NUP155: variants seen among roughly 807,000 people sequenced by gnomAD.
NUP155 encodes the protein nucleoporin 155, also known as nuclear pore complex protein Nup155.
In NUP155, 71 loss-of-function variants were observed where a neutral mutation model predicts 180.4. That is an observed-to-expected ratio of 0.39 (90% CI 0.33 to 0.48). The LOEUF (loss-of-function observed/expected upper bound fraction) is 0.48. Ranked by LOEUF, NUP155 falls within the 20% of genes least tolerant of loss-of-function variation. The pLI, the probability that NUP155 is intolerant of heterozygous loss-of-function variation, is 0.91. For missense variants in NUP155, 1,553 were observed against 1,648.9 expected (o/e 0.94, Z 1.01); for synonymous variants, 582 against 559.5 (o/e 1.04, Z -0.57).
chr5:37,357,012 C>A (rs925008751), intron 4 of NUP155, among the ~76,000 whole-genome samples: 1 of 152,074 alleles, frequency 6.6e-6, no homozygotes, highest in Non-Finnish European at 1.5e-5. Flanking sequence ...AAGGCTGAGG[C>A]AAGAGAATCG....
intron 4 of NUP155, among the ~76,000 whole-genome samples, chr5:37,355,703 C>G (rs1347057599): frequency 6.6e-6 from 1 of 151,702 alleles, no homozygotes; most frequent in Non-Finnish European, 1.5e-5. Context: ...CTCAGCCTCC[C>G]AAGTAGCTGG....
rs750851672 is a variant in NUP155 at position 37,309,284 on chromosome 5, C to G, written c.2629-17G>C. The G allele has an allele frequency of 3.1e-6, 5 of 1,602,042 alleles. No homozygotes were observed. Among genetic ancestry groups the G allele is most frequent in the Non-Finnish European group, 3.4e-6 (4 of 1,172,728 alleles). Reference sequence around the variant, plus strand: ...CTCATTTGCCTAGAAGAGGAGATAACAAGAACTTAAAAATATATAAAATCA... The same window carrying G: ...CTCATTTGCCTAGAAGAGGAGATAAGAAGAACTTAAAAATATATAAAATCA... On this transcript the variant is annotated splice_polypyrimidine_tract_variant and intron_variant, in intron 23 of 34. Transcript: ENST00000231498.
In NUP155 at chr5:37,301,822, T is replaced by C. The variant is rs371707892; in HGVS notation, c.3448-272A>G. 7.2e-4 allele frequency among the ~76,000 whole-genome samples: 109 copies of C among 152,300 alleles called. 3 individuals carry two copies. In the South Asian group the frequency reaches 0.022, roughly 30 times the overall value. On this transcript the variant is annotated intron_variant, in intron 29 of 34. Coordinates refer to ENST00000231498, the MANE Select transcript of NUP155 (RefSeq NM_153485.3). ...AGACTATACAGCTCAGCCTCCTCTG[T>C]AGGGGAGGTATGGCCATACAACCAA...
rs1352387230 is a variant in NUP155 at position 37,291,732 on chromosome 5, A to T, written c.*168T>A. 3 of 541,154 alleles carry T rather than the reference A, an allele frequency of 5.5e-6. No homozygotes were observed. The East Asian group carries it at 9.5e-5, about 17-fold the overall frequency. The allele number at this position is 541,154 out of a possible 1,614,324, so 33.5% of individuals were successfully genotyped here. A position where few individuals can be genotyped will look rare whatever the true frequency, so the allele number is the denominator to read the frequency against. On this transcript the variant is annotated 3_prime_UTR_variant, in exon 35 of 35. Coordinates refer to ENST00000231498, the MANE Select transcript of NUP155 (RefSeq NM_153485.3). Reference sequence around the variant, plus strand: ...TTACTAAAAAACAAAATAGTCATAAAAAAGAATTCATTTAGCAAAGGTACT... The same window carrying T: ...TTACTAAAAAACAAAATAGTCATAATAAAGAATTCATTTAGCAAAGGTACT...
At chr5:37,338,484 G>A (rs1338114322) in intron 11 of NUP155, among the ~76,000 whole-genome samples, 1 of 146,904 alleles carries the variant, frequency 6.8e-6, no homozygotes, top group Non-Finnish European at 1.5e-5. Context: ...TCGGCTCACT[G>A]CAAGCTCCGC....
rs1387099841 is a variant in NUP155, at chr5:37,345,613, G to A, written c.995+2892C>T. Reference sequence around the variant, plus strand: ...AAATGTTAAAATTGAGATAAAGAGTGTATTAGTTTTGCCGGGTGCAGTGGC... The same window carrying A: ...AAATGTTAAAATTGAGATAAAGAGTATATTAGTTTTGCCGGGTGCAGTGGC... On this transcript the variant is annotated intron_variant, in intron 9 of 34. Transcript: ENST00000231498. Among the ~76,000 whole-genome samples the A allele has an allele frequency of 2.0e-5, 3 of 151,616 alleles. No individual in the cohort carries two copies. In the East Asian group the frequency reaches 5.8e-4, roughly 29 times the overall value.
intron 9 of NUP155, among the ~76,000 whole-genome samples, chr5:37,345,890 CAG>C (rs1203864778): frequency 8.4e-6 from 1 of 119,566 alleles, no homozygotes; most frequent in African/African-American, 3.4e-5. Flanking sequence ...GGTGACGTGA[CAG>C]AGTGAGATTC....
intron 9 of NUP155, among the ~76,000 whole-genome samples, chr5:37,344,826 C>G (rs531167843): frequency 2.7e-4 from 40 of 148,732 alleles, no homozygotes; most frequent in Non-Finnish European, 4.9e-4. Context: ...GAGCCAAGAT[C>G]GTGCCACTGC....
Position 37,289,316 on chromosome 5 carries a change from T to A in NUP155, c.*2584A>T, listed in dbSNP as rs1742142650. 6.6e-6 allele frequency: 1 copy of A among 152,300 alleles called. No individual in the cohort carries two copies. The highest frequency in any genetic ancestry group is 1.5e-5 in the Non-Finnish European group (1 of 68,156). 9.4% of individuals were successfully genotyped at this position (152,300 alleles called of 1,614,324 possible). On this transcript the variant is annotated 3_prime_UTR_variant, in exon 35 of 35. Coordinates refer to ENST00000231498, the MANE Select transcript of NUP155 (RefSeq NM_153485.3). ...CCCTTGTCTTCAAAAAACAAAAAAATTCAAAAAAGTAATGCGTTGAACAAA... is the reference window on the plus strand; with the variant it reads ...CCCTTGTCTTCAAAAAACAAAAAAAATCAAAAAAGTAATGCGTTGAACAAA...
At chr5:37,365,774 C>T (rs1321293341) in intron 1 of NUP155, among the ~76,000 whole-genome samples, 25 of 135,516 alleles carry the variant, frequency 1.8e-4, no homozygotes, top group Non-Finnish European at 2.8e-4. Context: ...CACACACACA[C>T]ACACACACAC....
intron 32 of NUP155, among the ~76,000 whole-genome samples, chr5:37,296,417 C>T (rs1316661526): frequency 6.6e-6 from 1 of 151,996 alleles, no homozygotes; most frequent in Non-Finnish European, 1.5e-5. Context: ...TGTGTCCACT[C>T]AGGGTTAAAT....
In NUP155 at chr5:37,307,331, C is replaced by T; in HGVS notation, c.2869G>A (p.Glu957Lys). Residue 957 changes from glutamate (E) to lysine (K), a missense_variant, in exon 25 of 35, where the codon GAA (glutamate) becomes AAA (lysine). Coordinates refer to ENST00000231498, the MANE Select transcript of NUP155 (RefSeq NM_153485.3). The part of the protein sequence containing the change: ...LHFYKHGEPE[E>K]DIVGLQAFQE... ...AAGGCCTGAAGTCCAACTATGTCTT[C>T]TTCTGGTTCTCCATGTTTATAGAAA... 6.2e-7 allele frequency: 1 copy of T among 1,614,064 alleles called. No individual in the cohort carries two copies. The highest frequency in any genetic ancestry group is 8.5e-7 in the Non-Finnish European group (1 of 1,179,988).
chr5:37,341,640 A>C (rs1745730499), intron 10 of NUP155, among the ~76,000 whole-genome samples: 1 of 152,118 alleles, frequency 6.6e-6, no homozygotes, highest in South Asian at 2.1e-4. Flanking sequence ...TACCAGGTTC[A>C]CACCATTCTC....
In NUP155 at chr5:37,332,636, A is replaced by C. The variant is rs553532854; in HGVS notation, c.1518+827T>G. The stretch of plus-strand genomic sequence containing the variant: ...AAGAGTGGATTCTTTTATAAACCTT[A>C]GTGAGTGGAAGCTTTTCAACTATGA... On this transcript the variant is annotated intron_variant, in intron 13 of 34. Transcript: ENST00000231498. Among the ~76,000 whole-genome samples, 13 of 152,232 alleles carry C rather than the reference A, an allele frequency of 8.5e-5. No individual in the cohort carries two copies. The South Asian group carries it at 2.7e-3, about 32-fold the overall frequency.
At chr5:37,349,350 T>A (rs71619853) in intron 7 of NUP155, 105 bp from the exon 8 acceptor site, 1 of 407,374 alleles carries the variant, frequency 2.5e-6, no homozygotes, top group Non-Finnish European at 4.6e-6. Flanking sequence ...AACTTTGTAT[T>A]CAGGGGCTTT....
Position 37,323,005 on chromosome 5 carries a change from G to A in NUP155, c.2207+987C>T, listed in dbSNP as rs539904971. On this transcript the variant is annotated intron_variant, in intron 20 of 34. Transcript: ENST00000231498. ...AAAACCCAAATGTCCACTCTTGGTC[G>A]GGCATGGTGGCTCACGCCTGTAATC... 2.0e-4 allele frequency among the ~76,000 whole-genome samples: 31 copies of A among 152,026 alleles called. No individual in the cohort carries two copies. The East Asian group carries it at 3.3e-3, about 16-fold the overall frequency.
At chr5:37,363,857 C>T in intron 3 of NUP155, 31 bp downstream of exon 3, 1 of 1,397,668 alleles carries the variant, frequency 7.2e-7, no homozygotes, top group South Asian at 1.2e-5. Flanking sequence ...ATTCCAATCA[C>T]CCTTAAAGCA....
At chr5:37,350,402 C>T in intron 6 of NUP155, 137 bp from the exon 7 acceptor site, 1 of 639,230 alleles carries the variant, frequency 1.6e-6, no homozygotes, top group Admixed American at 2.8e-5. Context: ...TTATAATCAA[C>T]AAAACGAGAC....
chr5:37,301,235 C>T (rs2150941490), intron 30 of NUP155: 1 of 520,880 alleles, frequency 1.9e-6, no homozygotes, highest in African/African-American at 1.9e-5. Flanking sequence ...TAGCTACTGG[C>T]CTGGAAAGAG....
Sources: allele counts gnomAD v4.1 joint callset (sites outside exome capture counted in the v4.1 genomes callset), GRCh38; gene constraint gnomAD v4.1.1; transcripts MANE v1.5; gene names NCBI Gene and HGNC (gene_info 2026-07-23, HGNC 2026-07-21).